Variants in DCLK1 observed in about 807,000 individuals in gnomAD.
DCLK1 encodes serine/threonine-protein kinase DCLK1.
Under a neutral mutation model 86.2 loss-of-function variants are expected in DCLK1, and 16 were observed. The ratio of observed to expected loss-of-function variants is 0.19; its 90% CI spans 0.13 to 0.28. The LOEUF (loss-of-function observed/expected upper bound fraction) is 0.28. DCLK1 is among the 10% of genes least tolerant of loss of function. The probability of loss-of-function intolerance (pLI) is 1.00; values close to 1 mark genes in which losing one functional copy is unlikely to be tolerated. For missense variants in DCLK1, 590 were observed against 940.2 expected (o/e 0.63, Z 4.87); for synonymous variants, 369 against 370.5 (o/e 1.00, Z 0.05).
chr13:35,862,547 T>C (rs116200685), intron 5 of DCLK1, among the ~76,000 whole-genome samples: 149 of 152,332 alleles, frequency 9.8e-4, no homozygotes, highest in Middle Eastern at 3.4e-3. Flanking sequence ...CGATCTTTCA[T>C]GGCACTGTGA....
At chr13:35,944,145 G>A (rs1877239897) in intron 4 of DCLK1, among the ~76,000 whole-genome samples, 1 of 152,162 alleles carries the variant, frequency 6.6e-6, no homozygotes, top group South Asian at 2.1e-4. Flanking sequence ...CATCTACAAT[G>A]GCAAATCTTC....
In DCLK1 at chr13:35,793,402, C is replaced by T; in HGVS notation, c.2022G>A (p.Lys674=). 6.2e-7 allele frequency: 1 copy of T among 1,609,454 alleles called. No homozygotes were observed. The highest frequency in any genetic ancestry group is 1.7e-5 in the Admixed American group (1 of 59,556). ...KIKKHFNTGP[K]PNSTAAGVSV... is the part of the protein sequence containing the mutation. The stretch of plus-strand genomic sequence containing the variant: ...AAACTCCAGCTGCTGTGCTATTCGG[C>T]TTGGGGCCTGTGTTGAAATGCTTCT... Residue 674 remains lysine, a synonymous_variant, in exon 16 of 17, where the codon AAG becomes AAA. Transcript: ENST00000360631.
At chr13:36,007,180 C>G (rs965453336) in intron 3 of DCLK1, among the ~76,000 whole-genome samples, 3 of 152,140 alleles carry the variant, frequency 2.0e-5, no homozygotes, top group Non-Finnish European at 4.4e-5. Context: ...AGCCTCAAAG[C>G]AATTTTGAAT....
chr13:36,092,579 C>CG (rs903569314), intron 3 of DCLK1, among the ~76,000 whole-genome samples: 2 of 145,006 alleles, frequency 1.4e-5, no homozygotes, highest in African/African-American at 5.1e-5. Context: ...CTCCGCCTCC[C>CG]GGGTTCACGC....
At chr13:36,079,419 C>T (rs1884335023) in intron 3 of DCLK1, among the ~76,000 whole-genome samples, 1 of 152,072 alleles carries the variant, frequency 6.6e-6, no homozygotes. Flanking sequence ...CGCCTCAGGT[C>T]AGGAGTTTGA....
chr13:35,979,664 C>A (rs1028468314), intron 3 of DCLK1, among the ~76,000 whole-genome samples: 1 of 152,222 alleles, frequency 6.6e-6, no homozygotes, highest in African/African-American at 2.4e-5. Context: ...TCACTGCGAA[C>A]AAATCCCAGT....
intron 5 of DCLK1, among the ~76,000 whole-genome samples, chr13:35,865,690 T>TA (rs1871741644): frequency 6.6e-6 from 1 of 152,212 alleles, no homozygotes; most frequent in South Asian, 2.1e-4. Flanking sequence ...CTGTAACTGA[T>TA]AGTTCTGAAA....
chr13:35,808,117 G>A (rs1490301462), intron 14 of DCLK1, 107 bp downstream of exon 14: 2 of 1,103,130 alleles, frequency 1.8e-6, no homozygotes, highest in Non-Finnish European at 2.7e-6. Flanking sequence ...AATGTGTACA[G>A]AAATCATACT....
At chr13:35,946,404 C>G (rs528491292) in intron 4 of DCLK1, among the ~76,000 whole-genome samples, 2 of 152,358 alleles carry the variant, frequency 1.3e-5, no homozygotes, top group Admixed American at 1.3e-4. Flanking sequence ...TAACACACAT[C>G]TGCAGTGTTG....
chr13:36,051,911 T>C (rs2209624), intron 3 of DCLK1, among the ~76,000 whole-genome samples: 9,173 of 152,166 alleles, frequency 0.06, 443 homozygotes, highest in African/African-American at 0.13. Context: ...TAGAAGGGAA[T>C]GAATCTGTTC....
chr13:35,804,713 G>T (rs1425871618), intron 15 of DCLK1, among the ~76,000 whole-genome samples: 1 of 152,002 alleles, frequency 6.6e-6, no homozygotes, highest in Non-Finnish European at 1.5e-5. Flanking sequence ...GATTACAGGC[G>T]TGAGGCACTG....
chr13:35,977,540 T>C (rs114326254), intron 3 of DCLK1, among the ~76,000 whole-genome samples: 1 of 152,196 alleles, frequency 6.6e-6, no homozygotes, highest in African/African-American at 2.4e-5. Flanking sequence ...AGTACAGAAA[T>C]GCACACATTT....
chr13:35,995,894 T>C (rs893596324), intron 3 of DCLK1, among the ~76,000 whole-genome samples: 5 of 152,212 alleles, frequency 3.3e-5, no homozygotes, highest in African/African-American at 1.2e-4. Context: ...TATTAGGCTT[T>C]ACTTAAGGCC....
intron 3 of DCLK1, among the ~76,000 whole-genome samples, chr13:35,992,351 G>A (rs980723283): frequency 2.0e-5 from 3 of 151,924 alleles, no homozygotes; most frequent in South Asian, 2.1e-4. Context: ...CCAGGCTCAC[G>A]TTTCAAAATG....
intron 3 of DCLK1, among the ~76,000 whole-genome samples, chr13:36,017,776 G>A (rs139754790): frequency 2.8e-4 from 43 of 152,046 alleles, no homozygotes; most frequent in Admixed American, 1.0e-3. Context: ...AAAAGCAGCC[G>A]CATTTTATTT....
intron 4 of DCLK1, among the ~76,000 whole-genome samples, chr13:35,940,146 G>A (rs985924872): frequency 6.6e-6 from 1 of 151,866 alleles, no homozygotes; most frequent in Non-Finnish European, 1.5e-5. Flanking sequence ...GCTTGAACCT[G>A]GGAGGTGGAG....
At chr13:35,850,994 G>A (rs1870585911) in intron 6 of DCLK1, among the ~76,000 whole-genome samples, 1 of 152,172 alleles carries the variant, frequency 6.6e-6, no homozygotes, top group East Asian at 1.9e-4. Flanking sequence ...ATGCCTCTTG[G>A]TCTACTCATA....
chr13:35,919,965 C>T (rs996411292), intron 4 of DCLK1, among the ~76,000 whole-genome samples: 16 of 151,988 alleles, frequency 1.1e-4, no homozygotes, highest in East Asian at 3.9e-4. Flanking sequence ...ACGACACAGC[C>T]GGCAAATAAA....
chr13:36,017,312 G>A (rs1331027907), intron 3 of DCLK1, among the ~76,000 whole-genome samples: 1 of 152,048 alleles, frequency 6.6e-6, no homozygotes, highest in Admixed American at 6.6e-5. Context: ...AAACTCCAAG[G>A]CTAGACACAG....
Sources: gnomAD v4.1 joint callset for allele counts (sites outside exome capture counted in the v4.1 genomes callset) on GRCh38, gnomAD v4.1.1 for gene constraint, MANE v1.5 for transcripts, NCBI Gene and HGNC (gene_info 2026-07-23, HGNC 2026-07-21) for gene names.